The following SLX9 variants were observed in gnomAD, a reference collection of about 807,000 sequenced individuals.
The protein encoded by SLX9 is SLX9 ribosome biogenesis factor.
Under a neutral mutation model 20.8 loss-of-function variants are expected in SLX9, and 19 were observed. The observed-to-expected ratio is 0.91, with a 90% CI of 0.64 to 1.34. The LOEUF is 1.34. Ranked by LOEUF, SLX9 falls within the 40% of genes most tolerant of loss-of-function variation. The pLI is 0.00. For missense variants in SLX9, 299 were observed against 322.2 expected (o/e 0.93, Z 0.55); for synonymous variants, 113 against 137.1 (o/e 0.82, Z 1.23).
In SLX9 at chr21:44,967,166, G is replaced by A. The variant is rs555958536; in HGVS notation, c.485G>A (p.Arg162Gln). 3.1e-5 allele frequency: 49 copies of A among 1,587,954 alleles called. No homozygotes were observed. Among genetic ancestry groups the A allele is most frequent in the South Asian group, 2.0e-4 (18 of 87,892 alleles). The stretch of plus-strand genomic sequence containing the variant: ...CTGCTGGGGCTCGAGGCTGGCAGCC[G>A]GCGCCAAGCCCGCAGGTGAGTGTCC... ...PELLGLEAGS[R>Q]RQARSRESNK... is the part of the protein sequence containing the mutation. The change falls in exon 4 of 6, where the codon CGG becomes CAG. Residue 162 changes from arginine (R) to glutamine (Q), a missense_variant. Arg to Gln is a conservative substitution (Grantham distance 43). Coordinates refer to ENST00000291634, the MANE Select transcript of SLX9 (RefSeq NM_058190.4).
chr21:44,976,455 C>T (rs796701077), intron 5 of SLX9, among the ~76,000 whole-genome samples: 8 of 152,348 alleles, frequency 5.3e-5, no homozygotes, highest in African/African-American at 1.9e-4. Context: ...ACCTCAACGG[C>T]AGACCCCACA....
chr21:44,961,644 T>C (rs1249599194), intron 3 of SLX9, among the ~76,000 whole-genome samples: 1 of 152,248 alleles, frequency 6.6e-6, no homozygotes, highest in African/African-American at 2.4e-5. Flanking sequence ...TTAGTTGCCT[T>C]CTTATTAAAT....
chr21:44,960,815 C>T (rs1256011975), intron 3 of SLX9, among the ~76,000 whole-genome samples: 3 of 152,316 alleles, frequency 2.0e-5, no homozygotes, highest in Admixed American at 6.5e-5. Context: ...CCTTATTTTT[C>T]GTGATGCTGG....
chr21:44,957,152 C>T (rs780506553), intron 2 of SLX9, among the ~76,000 whole-genome samples: 3 of 152,250 alleles, frequency 2.0e-5, no homozygotes, highest in Admixed American at 1.3e-4. Flanking sequence ...CCGGGCCGGC[C>T]GGCGTTCCAG....
At chr21:44,959,721 T>C (rs9974593) in intron 2 of SLX9, among the ~76,000 whole-genome samples, 67,260 of 152,170 alleles carry the variant, frequency 0.44, 16,590 homozygotes, top group African/African-American at 0.67. Context: ...AGGGCCTCTG[T>C]CCTGTTCGTG....
intron 2 of SLX9, among the ~76,000 whole-genome samples, chr21:44,955,634 T>G (rs1028352496): frequency 5.3e-5 from 8 of 152,140 alleles, no homozygotes; most frequent in Non-Finnish European, 8.8e-5. Context: ...TCCCTCCCAC[T>G]TTGGCCTCCT....
At chr21:44,958,717 A>C (rs923958336) in intron 2 of SLX9, among the ~76,000 whole-genome samples, 1 of 152,160 alleles carries the variant, frequency 6.6e-6, no homozygotes, top group Non-Finnish European at 1.5e-5. Context: ...GGCCGCCGCC[A>C]GCAGTTCCAG....
intron 2 of SLX9, among the ~76,000 whole-genome samples, chr21:44,946,040 T>C (rs752780998): frequency 6.6e-6 from 1 of 152,256 alleles, no homozygotes; most frequent in Non-Finnish European, 1.5e-5. Flanking sequence ...GGCCTGGTCT[T>C]TGTTTTTCGT....
intron 5 of SLX9, among the ~76,000 whole-genome samples, chr21:44,974,492 C>T (rs1176986871): frequency 6.6e-6 from 1 of 152,212 alleles, no homozygotes; most frequent in East Asian, 1.9e-4. Context: ...TCCATTTTTA[C>T]TCTAGACACT....
chr21:44,973,023 C>CCGGGGCGGTCA (rs1568947742), intron 4 of SLX9, 174 bp from the exon 5 acceptor site: 56 of 717,552 alleles, frequency 7.8e-5, no homozygotes, highest in African/African-American at 1.3e-4. Context: ...CACTGCTTGT[C>CCGGGGCGGTCA]CAGGTCTCGC....
rs764435269 is a variant in SLX9 at position 44,976,706 on chromosome 21, A to T, written c.596A>T (p.Glu199Val). 1.2e-5 allele frequency: 19 copies of T among 1,578,748 alleles called. No homozygotes were observed. Among genetic ancestry groups the T allele is most frequent in the Non-Finnish European group, 1.4e-5 (16 of 1,162,924 alleles). ...GAGGAAGAAAGGACCCGGTTTCAGG[A>T]GCTGCTGGCCAGTCCGGCCTACAGA... The part of the protein sequence containing the change: ...LLEEERTRFQ[E>V]LLASPAYRAS... Residue 199 changes from glutamate to valine, a missense_variant, in exon 6 of 6, where the codon GAG (glutamate) becomes GTG (valine). By Grantham distance (121) the Glu-to-Val change is moderately radical. Coordinates refer to ENST00000291634, the MANE Select transcript of SLX9 (RefSeq NM_058190.4).
At chr21:44,949,351 C>T (rs2084709803) in intron 2 of SLX9, among the ~76,000 whole-genome samples, 1 of 152,108 alleles carries the variant, frequency 6.6e-6, no homozygotes, top group African/African-American at 2.4e-5. Flanking sequence ...GCCTGGCAGT[C>T]ACACCGATGT....
chr21:44,958,685 C>T (rs1029565425), intron 2 of SLX9, among the ~76,000 whole-genome samples: 12 of 152,378 alleles, frequency 7.9e-5, no homozygotes, highest in Non-Finnish European at 1.5e-4. Flanking sequence ...GCCCGGAAAG[C>T]GGCGGGAGCT....
Position 44,974,455 on chromosome 21 carries a change from A to G in SLX9, c.569+1190A>G, listed in dbSNP as rs116838829. 6.0e-3 allele frequency among the ~76,000 whole-genome samples: 913 copies of G among 152,354 alleles called. 8 individuals are homozygous for G. Among genetic ancestry groups the G allele is most frequent in the African/African-American group, 0.021 (869 of 41,578 alleles). Reference sequence around the variant, plus strand: ...TGCACTTACTGGATCTCTCTAATCTATCTGTCTTCCATCTCATGTTCTCTA... The same window carrying G: ...TGCACTTACTGGATCTCTCTAATCTGTCTGTCTTCCATCTCATGTTCTCTA... On this transcript the variant is annotated intron_variant, in intron 5 of 5. Transcript: ENST00000291634.
intron 2 of SLX9, among the ~76,000 whole-genome samples, chr21:44,956,602 C>G (rs2084862091): frequency 6.6e-6 from 1 of 152,224 alleles, no homozygotes; most frequent in African/African-American, 2.4e-5. Flanking sequence ...CACGTGCCAG[C>G]AGCATCGCGT....
chr21:44,974,669 G>A (rs377710841), intron 5 of SLX9, among the ~76,000 whole-genome samples: 31 of 152,312 alleles, frequency 2.0e-4, no homozygotes, highest in African/African-American at 6.0e-4. Context: ...GGGCTGCAGC[G>A]ATCCTCCTGC....
chr21:44,949,738 C>T (rs1568931456), intron 2 of SLX9, among the ~76,000 whole-genome samples: 1 of 152,188 alleles, frequency 6.6e-6, no homozygotes, highest in Non-Finnish European at 1.5e-5. Context: ...GGCCACCAGG[C>T]TGTGGTGCAA....
chr21:44,972,171 G>A (rs146662860), intron 4 of SLX9, among the ~76,000 whole-genome samples: 31 of 152,264 alleles, frequency 2.0e-4, no homozygotes, highest in African/African-American at 7.0e-4. Context: ...TCCCGCCGTC[G>A]TCTGGGTCCC....
chr21:44,962,027 A>G (rs1290901225), intron 3 of SLX9, among the ~76,000 whole-genome samples: 4 of 152,242 alleles, frequency 2.6e-5, no homozygotes, highest in Non-Finnish European at 5.9e-5. Flanking sequence ...AATCTTTATT[A>G]CATAACCGTT....
Sources: gnomAD v4.1 joint callset for allele counts (sites outside exome capture counted in the v4.1 genomes callset) on GRCh38, gnomAD v4.1.1 for gene constraint, MANE v1.5 for transcripts, NCBI Gene and HGNC (gene_info 2026-07-23, HGNC 2026-07-21) for gene names.